PHACTR2: variants seen among roughly 807,000 people sequenced by gnomAD.
PHACTR2 encodes phosphatase and actin regulator 2.
PHACTR2 carries 30 observed loss-of-function variants against 76.0 expected under a neutral mutation model. The observed-to-expected ratio is 0.39, with a 90% CI of 0.30 to 0.54. The LOEUF is 0.54. Ranked by LOEUF, PHACTR2 falls within the 20% of genes least tolerant of loss-of-function variation. The pLI is 0.61. For missense variants in PHACTR2, 696 were observed against 781.1 expected (o/e 0.89, Z 1.30); for synonymous variants, 292 against 292.5 (o/e 1.00, Z 0.02).
rs535214880 is a variant in PHACTR2 at position 143,793,911 on chromosome 6, AAAAT to A, written c.1845+5020_1845+5023del. ...GGGCAACAGAGCTAGACCTTATCTC[AAAAT>A]AAATAAATAAATAAATAATATGGTA... On this transcript the variant is annotated intron_variant, in intron 11 of 12. Transcript: ENST00000440869. The surrounding 1 kb of genome is among the most constrained non-coding windows in gnomAD (Gnocchi z 4.4). Among the ~76,000 whole-genome samples, 3 of 152,020 alleles carry A rather than the reference AAAAT, an allele frequency of 2.0e-5. No homozygotes were observed. Among genetic ancestry groups the A allele is most frequent in the Non-Finnish European group, 4.4e-5 (3 of 68,002 alleles).
chr6:143,642,758 G>A (rs12195857), intron 1 of PHACTR2, among the ~76,000 whole-genome samples: 43,145 of 152,072 alleles, frequency 0.28, 6,155 homozygotes, highest in Middle Eastern at 0.37. Flanking sequence ...ACAAACCTAG[G>A]AATGTCAAAG....
chr6:143,729,041 A>T (rs1778640422), intron 2 of PHACTR2, among the ~76,000 whole-genome samples: 2 of 152,212 alleles, frequency 1.3e-5, no homozygotes, highest in African/African-American at 4.8e-5. Context: ...AGCAGTCAAC[A>T]GAGTGAAGAG....
rs1778903272 is a variant in PHACTR2 at position 143,739,905 on chromosome 6, T to C, written c.215-9080T>C. On this transcript the variant is annotated intron_variant, in intron 2 of 12. Transcript: ENST00000440869. This position sits in a 1 kb window ranked among gnomAD's most constrained non-coding sequence, Gnocchi z 4.3. Reference sequence around the variant, plus strand: ...ACTACCTGAAATTTGTAAACTATTATATACTTTTGTTACAGGAACTGGGTC... The same window carrying C: ...ACTACCTGAAATTTGTAAACTATTACATACTTTTGTTACAGGAACTGGGTC... 6.6e-6 allele frequency among the ~76,000 whole-genome samples: 1 copy of C among 152,168 alleles called. No individual in the cohort carries two copies.
At position 143,683,014 on chromosome 6, in the gene PHACTR2, C is replaced by T. The variant is rs192888111; in HGVS notation, c.46+4805C>T. On this transcript the variant is annotated intron_variant, in intron 1 of 12. Transcript: ENST00000440869. The surrounding 1 kb of genome is among the most constrained non-coding windows in gnomAD (Gnocchi z 4.1). Reference sequence around the variant, plus strand: ...AATTGATTTTTGGTTGTTAAACCAACCTTGCATTCCTAGGATAAATCCCAC... The same window carrying T: ...AATTGATTTTTGGTTGTTAAACCAATCTTGCATTCCTAGGATAAATCCCAC... Among the ~76,000 whole-genome samples the T allele has an allele frequency of 6.6e-6, 1 of 152,300 alleles. No individual in the cohort carries two copies. The highest frequency in any genetic ancestry group is 1.9e-4 in the East Asian group (1 of 5,192).
At chr6:143,740,507 T>TA in intron 2 of PHACTR2, among the ~76,000 whole-genome samples, 1 of 1,096 alleles carries the variant, frequency 9.1e-4, no homozygotes, top group Non-Finnish European at 1.7e-3. Context: ...ATCCTTTTAA[T>TA]TAAAAAAAAA....
Position 143,677,996 on chromosome 6 carries a change from C to A in PHACTR2, c.-168C>A. On this transcript the variant is annotated 5_prime_UTR_variant, in exon 1 of 13. Coordinates refer to ENST00000440869, the MANE Select transcript of PHACTR2 (RefSeq NM_001100164.2). Reference sequence around the variant, plus strand: ...TGGGCAGGATCCGCCGCGCCGGCTGCGGCCGGCCGGGCTGGGAGACCCGCG... The same window carrying A: ...TGGGCAGGATCCGCCGCGCCGGCTGAGGCCGGCCGGGCTGGGAGACCCGCG... The A allele has an allele frequency of 2.1e-6, 3 of 1,437,666 alleles. No homozygotes were observed. Among genetic ancestry groups the A allele is most frequent in the Non-Finnish European group, 2.7e-6 (3 of 1,091,420 alleles). 89.1% of individuals were successfully genotyped at this position (1,437,666 alleles called of 1,614,324 possible).
At position 143,539,404 on chromosome 6, in the gene PHACTR2, G is replaced by T. The variant is rs562332676; in HGVS notation, c.217+2197G>T. ...TGTGATCAGGAGCTCCCTGCTCTTA[G>T]AGTCAGAGAGAAAAAGAATGAGCAG... On this transcript the variant is annotated intron_variant, in intron 1 of 11. Transcript: ENST00000367584. This position sits in a 1 kb window ranked among gnomAD's most constrained non-coding sequence, Gnocchi z 4.3. 2.0e-5 allele frequency among the ~76,000 whole-genome samples: 3 copies of T among 152,302 alleles called. No individual in the cohort carries two copies. The highest frequency in any genetic ancestry group is 4.8e-5 in the African/African-American group (2 of 41,550).
rs60466349 is a variant in PHACTR2, at chr6:143,623,175, C to G, written c.13+14853C>G. Among the ~76,000 whole-genome samples, 2,562 of 151,020 alleles carry G rather than the reference C, an allele frequency of 0.017. 62 individuals carry two copies. The highest frequency in any genetic ancestry group is 0.058 in the African/African-American group (2,385 of 41,462). On this transcript the variant is annotated intron_variant, in intron 1 of 11. Transcript: ENST00000305766. This position sits in a 1 kb window ranked among gnomAD's most constrained non-coding sequence, Gnocchi z 5.9. ...CATGATTTAGTATATGTATTTTAAA[C>G]TAAATTAATAAATTAAATATTGTTA...
chr6:143,723,186 G>A (rs889892086), intron 2 of PHACTR2, among the ~76,000 whole-genome samples: 1 of 152,120 alleles, frequency 6.6e-6, no homozygotes, highest in Non-Finnish European at 1.5e-5. Context: ...AGTTGAAATG[G>A]CTTTTCCCAT....
chr6:143,603,618 G>A (rs1273653134), upstream of PHACTR2, among the ~76,000 whole-genome samples: 1 of 152,198 alleles, frequency 6.6e-6, no homozygotes, highest in East Asian at 1.9e-4. Flanking sequence ...TTGGATAAAT[G>A]TATAATCTTT....
At chr6:143,593,490 C>T (rs1277706375) in intron 1 of PHACTR2, among the ~76,000 whole-genome samples, 2 of 152,170 alleles carry the variant, frequency 1.3e-5, no homozygotes, top group Non-Finnish European at 2.9e-5. Flanking sequence ...AGTAACAGCA[C>T]AGCAAGTTTA....
At chr6:143,713,580 G>A (rs1372621524) in intron 2 of PHACTR2, among the ~76,000 whole-genome samples, 4 of 152,224 alleles carry the variant, frequency 2.6e-5, no homozygotes, top group African/African-American at 9.6e-5. Flanking sequence ...ACAGGGTGCT[G>A]TGCTGTGTGA....
At chr6:143,551,533 A>G (rs1775095316) in intron 1 of PHACTR2, among the ~76,000 whole-genome samples, 1 of 152,178 alleles carries the variant, frequency 6.6e-6, no homozygotes, top group Non-Finnish European at 1.5e-5. Flanking sequence ...GGTAAGGCTG[A>G]ACAAGATGAG....
At chr6:143,735,286 T>C (rs2128466497) in intron 2 of PHACTR2, among the ~76,000 whole-genome samples, 1 of 152,228 alleles carries the variant, frequency 6.6e-6, no homozygotes, top group East Asian at 1.9e-4. Context: ...AAATACAAGA[T>C]AATAAAAAAA....
chr6:143,632,535 T>C (rs12524707), intron 1 of PHACTR2, among the ~76,000 whole-genome samples: 70,566 of 152,082 alleles, frequency 0.46, 19,311 homozygotes, highest in Non-Finnish European at 0.63. Context: ...CCCCCGACTA[T>C]GGACATCCAC....
Position 143,760,474 on chromosome 6 carries a change from C to G in PHACTR2, c.528C>G (p.Pro176=). 1 of 1,613,884 alleles carries G rather than the reference C, an allele frequency of 6.2e-7. No individual in the cohort carries two copies. The highest frequency in any genetic ancestry group is 1.1e-5 in the South Asian group (1 of 91,078). The change falls in exon 5 of 13, where the codon CCC becomes CCG. Residue 176 remains proline (P), a synonymous_variant. Coordinates refer to ENST00000440869, the MANE Select transcript of PHACTR2 (RefSeq NM_001100164.2). The surrounding 1 kb of genome is among the most constrained non-coding windows in gnomAD (Gnocchi z 6.4). ...CTTCTGCTCCTCCTAAGCCTAGACCCAAACCTAAACCCAAAAAATCACCTG... is the reference window on the plus strand; with the variant it reads ...CTTCTGCTCCTCCTAAGCCTAGACCGAAACCTAAACCCAAAAAATCACCTG... The part of the protein sequence containing the change: ...LPPSAPPKPR[P]KPKPKKSPVP...
Position 143,678,208 on chromosome 6 carries a change from C to T in PHACTR2, c.45C>T (p.Ser15=). Residue 15 remains serine (S), a splice_region_variant and synonymous_variant, in exon 1 of 13, where the codon AGC becomes AGT. Transcript: ENST00000440869. This position sits in a 1 kb window ranked among gnomAD's most constrained non-coding sequence, Gnocchi z 6.2. ...SVSTLSPQPG[S]VDGLDKASIA... is the part of the protein sequence containing the mutation. ...CCACGCTGTCCCCGCAGCCCGGCAGCGGTGAGTCCGGGGCGCACGCGATGC... is the reference window on the plus strand; with the variant it reads ...CCACGCTGTCCCCGCAGCCCGGCAGTGGTGAGTCCGGGGCGCACGCGATGC... 6.5e-7 allele frequency: 1 copy of T among 1,533,126 alleles called. No individual in the cohort carries two copies. The highest frequency in any genetic ancestry group is 8.8e-7 in the Non-Finnish European group (1 of 1,139,520). 95.0% of individuals were successfully genotyped at this position (1,533,126 alleles called of 1,614,324 possible).
At chr6:143,666,106 T>C (rs985883591) in intron 1 of PHACTR2, among the ~76,000 whole-genome samples, 4 of 150,990 alleles carry the variant, frequency 2.6e-5, no homozygotes, top group African/African-American at 7.3e-5. Context: ...CAACTCCCAC[T>C]TATGAGTGAG....
At chr6:143,727,724 T>A (rs550495854) in intron 2 of PHACTR2, among the ~76,000 whole-genome samples, 1 of 121,224 alleles carries the variant, frequency 8.2e-6, no homozygotes, top group Non-Finnish European at 1.7e-5. Context: ...TTTTTTCATA[T>A]ACCTGTTTGC....
Sources: gnomAD v4.1 joint callset for allele counts (sites outside exome capture counted in the v4.1 genomes callset) on GRCh38, gnomAD v4.1.1 for gene constraint, Gnocchi (gnomAD v3.1) non-coding constraint, MANE v1.5 for transcripts, NCBI Gene and HGNC (gene_info 2026-07-23, HGNC 2026-07-21) for gene names.